Variants in TARS1 observed in about 807,000 individuals in gnomAD.
TARS1 encodes the protein threonyl-tRNA synthetase 1.
A neutral mutation model predicts 97.7 loss-of-function variants in TARS1; 57 were observed. The ratio of observed to expected loss-of-function variants is 0.58; its 90% CI spans 0.47 to 0.73. The LOEUF is 0.73. TARS1 is among the 30% of genes least tolerant of loss of function. TARS1 has a pLI of 0.00. For synonymous variants in TARS1, 312 were observed against 293.7 expected, an observed-to-expected ratio of 1.06 and a Z score of -0.64; for missense variants, 806 against 888.3, an observed-to-expected ratio of 0.91 and a Z score of 1.18.
intron 3 of TARS1, among the ~76,000 whole-genome samples, chr5:33,451,188 C>T (rs904638061): frequency 2.6e-5 from 4 of 152,092 alleles, no homozygotes; most frequent in African/African-American, 9.7e-5. Context: ...CACTGATCTG[C>T]ACTGAGAATA....
At chr5:33,449,306 CAT>C (rs1258576364) in intron 3 of TARS1, among the ~76,000 whole-genome samples, 9 of 143,102 alleles carry the variant, frequency 6.3e-5, no homozygotes, top group East Asian at 3.9e-4. Flanking sequence ...GTTGGTAAAA[CAT>C]ATATATGTGT....
intron 8 of TARS1, 106 bp from the exon 9 acceptor site, chr5:33,457,151 G>A: frequency 2.2e-6 from 3 of 1,340,758 alleles, no homozygotes; most frequent in African/African-American, 1.5e-5. Flanking sequence ...ACTTTGTGCT[G>A]CAGAATGAGT....
rs1044969739 is a variant in TARS1, at chr5:33,443,478, T to TC, written c.58-1846_58-1845insC. Among the ~76,000 whole-genome samples, 19 of 144,884 alleles carry TC rather than the reference T, an allele frequency of 1.3e-4. No individual in the cohort carries two copies. The South Asian group carries it at 2.3e-3, about 18-fold the overall frequency. Reference sequence around the variant, plus strand: ...CACAGACCTGCAATTTTTCTTTCTTTTTTTTTTTTTTTTTGTTGTCGTTGT... The same window carrying TC: ...CACAGACCTGCAATTTTTCTTTCTTTCTTTTTTTTTTTTTTGTTGTCGTTGT... On this transcript the variant is annotated intron_variant, in intron 1 of 18. Coordinates refer to ENST00000265112, the MANE Select transcript of TARS1 (RefSeq NM_152295.5).
chr5:33,452,528 G>A (rs950750217), intron 3 of TARS1: 5 of 946,290 alleles, frequency 5.3e-6, no homozygotes, highest in Non-Finnish European at 8.1e-6. Context: ...TACACTCTGT[G>A]TGCTCTGATA....
chr5:33,445,187 A>G, intron 1 of TARS1, 137 bp from the exon 2 acceptor site: 2 of 614,106 alleles, frequency 3.3e-6, no homozygotes, highest in South Asian at 5.0e-5. Context: ...GAAATTGTTC[A>G]GTCTTTCAAT....
rs767719358 is a variant in TARS1 at position 33,456,149 on chromosome 5, A to G, written c.759A>G (p.Arg253=). The G allele has an allele frequency of 4.6e-5, 74 of 1,613,890 alleles. No individual in the cohort carries two copies. The highest frequency in any genetic ancestry group is 6.1e-5 in the Non-Finnish European group (72 of 1,179,960). Residue 253 remains arginine (R), a splice_region_variant and synonymous_variant, in exon 8 of 19, where the codon AGA becomes AGG. Coordinates refer to ENST00000265112, the MANE Select transcript of TARS1 (RefSeq NM_152295.5). ...AAAATTCCTTTCATTTTATCTTTAGATGTGGCCCTTTGATAGATCTCTGCC... is the reference window on the plus strand; with the variant it reads ...AAAATTCCTTTCATTTTATCTTTAGGTGTGGCCCTTTGATAGATCTCTGCC... ...KVNTPTTTVY[R]CGPLIDLCRG... is the part of the protein sequence containing the mutation.
intron 11 of TARS1, 31 bp downstream of exon 11, chr5:33,459,892 A>T (rs777196038): frequency 6.3e-7 from 1 of 1,592,628 alleles, no homozygotes; most frequent in Non-Finnish European, 8.6e-7. Flanking sequence ...TCTACTGAAG[A>T]TTTTCACATG....
intron 12 of TARS1, 41 bp downstream of exon 12, chr5:33,461,105 A>G: frequency 6.2e-7 from 1 of 1,606,370 alleles, no homozygotes; most frequent in Non-Finnish European, 8.5e-7. Context: ...AAGAAGAGTC[A>G]AGAAAGTCAA....
chr5:33,455,015 A>G lies in TARS1; in HGVS notation c.524A>G (p.Tyr175Cys). ...AGAGTCTATGGTGGATGTTTATGCTACGGTCCGCCAATAGAAAATGGATTC... is the reference window on the plus strand; with the variant it reads ...AGAGTCTATGGTGGATGTTTATGCTGCGGTCCGCCAATAGAAAATGGATTC... ...MERVYGGCLC[Y>C]GPPIENGFYY... The change falls in exon 5 of 19, where the codon TAC (tyrosine) becomes TGC (cysteine). Residue 175 changes from tyrosine (Y) to cysteine (C), a missense_variant. By Grantham distance (194) the Tyr-to-Cys change is radical. Transcript: ENST00000265112. 6.2e-7 allele frequency: 1 copy of G among 1,613,882 alleles called. No individual in the cohort carries two copies. Among genetic ancestry groups the G allele is most frequent in the Non-Finnish European group, 8.5e-7 (1 of 1,179,886 alleles).
At chr5:33,463,576 C>T (rs1742394697) in intron 16 of TARS1, among the ~76,000 whole-genome samples, 177 bp from the exon 17 acceptor site, 1 of 152,182 alleles carries the variant, frequency 6.6e-6, no homozygotes, top group South Asian at 2.1e-4. Context: ...CCTGCATCTC[C>T]TCGCCTTAAT....
At chr5:33,455,138 CAGTA>C in intron 5 of TARS1, 72 bp downstream of exon 5, 1 of 1,568,996 alleles carries the variant, frequency 6.4e-7, no homozygotes. Flanking sequence ...TAAGAGTTCT[CAGTA>C]AGGGAGGAAT....
At chr5:33,454,567 T>C (rs913028702) in intron 4 of TARS1, among the ~76,000 whole-genome samples, 5 of 152,250 alleles carry the variant, frequency 3.3e-5, no homozygotes, top group Non-Finnish European at 7.3e-5. Flanking sequence ...TCACAGTGTC[T>C]GAGACATGGT....
At chr5:33,454,877 G>C in intron 4 of TARS1, 68 bp from the exon 5 acceptor site, 1 of 1,563,502 alleles carries the variant, frequency 6.4e-7, no homozygotes, top group Middle Eastern at 1.7e-4. Context: ...GTCTCTTTCA[G>C]ACAACCACAT....
intron 5 of TARS1, 152 bp from the exon 6 acceptor site, chr5:33,455,435 T>G: frequency 3.8e-6 from 2 of 523,274 alleles, no homozygotes; most frequent in South Asian, 4.3e-5. Context: ...ATGAAAAATG[T>G]TTTGTTTAGA....
At chr5:33,446,286 G>A (rs533681787) in intron 2 of TARS1, 5 of 266,546 alleles carry the variant, frequency 1.9e-5, no homozygotes, top group Non-Finnish European at 3.8e-5. Context: ...TTTATCTTAC[G>A]GCTGATCAGT....
chr5:33,453,577 C>T (rs1455597372), intron 4 of TARS1, among the ~76,000 whole-genome samples, 165 bp downstream of exon 4: 3 of 152,050 alleles, frequency 2.0e-5, no homozygotes, highest in Non-Finnish European at 2.9e-5. Context: ...AATAAAAGTG[C>T]TTGCCTTAGA....
intron 18 of TARS1, among the ~76,000 whole-genome samples, chr5:33,467,315 T>A (rs1245043930): frequency 6.6e-6 from 1 of 152,176 alleles, no homozygotes; most frequent in Non-Finnish European, 1.5e-5. Flanking sequence ...AAAAAAGATA[T>A]TCATGATGTT....
In TARS1 at chr5:33,445,335, T is replaced by G. The variant is rs373086054; in HGVS notation, c.69T>G (p.Gly23=). Residue 23 remains glycine (G), a synonymous_variant, in exon 2 of 19, where the codon GGT becomes GGG. Coordinates refer to ENST00000265112, the MANE Select transcript of TARS1 (RefSeq NM_152295.5). ...MGGEEKPIGA[G]EEKQKEGGKK... ...TTTTGCTTATTTAGATTGGTGCTGG[T>G]GAAGAGAAGCAAAAGGAAGGAGGCA... The G allele has an allele frequency of 1.4e-5, 22 of 1,611,852 alleles. 1 individual carries two copies. In the South Asian group the frequency reaches 2.3e-4, roughly 17 times the overall value.
chr5:33,441,226 A>AGGAAGCAGGAAGCGGCC (rs1741076956), intron 1 of TARS1, 83 bp downstream of exon 1: 1 of 1,550,440 alleles, frequency 6.4e-7, no homozygotes, highest in Non-Finnish European at 8.9e-7. Context: ...AGCGGGGGGC[A>AGGAAGCAGGAAGCGGCC]GGAAGCAGGA....
Sources: gnomAD v4.1 joint callset for allele counts (sites outside exome capture counted in the v4.1 genomes callset) on GRCh38, gnomAD v4.1.1 for gene constraint, MANE v1.5 for transcripts, NCBI Gene and HGNC (gene_info 2026-07-23, HGNC 2026-07-21) for gene names.